The following B3GLCT variants were observed in gnomAD, a reference collection of about 807,000 sequenced individuals.
The protein encoded by B3GLCT is beta 3-glucosyltransferase, also known as beta-1,3-glucosyltransferase.
B3GLCT carries 65 observed loss-of-function variants against 63.4 expected under a neutral mutation model. The observed-to-expected ratio is 1.03, with a 90% confidence interval of 0.84 to 1.26. The LOEUF (loss-of-function observed/expected upper bound fraction) is 1.26. Among genes scored for constraint, B3GLCT ranks in the 50% most tolerant of loss-of-function variants. The probability of loss-of-function intolerance (pLI) is 0.00; values close to 1 mark genes in which losing one functional copy is unlikely to be tolerated. For synonymous variants in B3GLCT, 233 were observed against 219.2 expected, an observed-to-expected ratio of 1.06 and a Z score of -0.55; for missense variants, 577 against 604.8, an observed-to-expected ratio of 0.95 and a Z score of 0.48.
chr13:31,239,492 T>C (rs914913139), intron 4 of B3GLCT, among the ~76,000 whole-genome samples: 1 of 152,216 alleles, frequency 6.6e-6, no homozygotes, highest in Non-Finnish European at 1.5e-5. Flanking sequence ...GTGCACTGCA[T>C]CTGTGTCAAT....
At chr13:31,261,731 A>G (rs982819507) in intron 7 of B3GLCT, among the ~76,000 whole-genome samples, 3 of 152,178 alleles carry the variant, frequency 2.0e-5, no homozygotes, top group Admixed American at 6.5e-5. Flanking sequence ...TGTGGCTTTT[A>G]TATCTTCAGA....
At chr13:31,239,057 G>T (rs1870798535) in intron 4 of B3GLCT, among the ~76,000 whole-genome samples, 1 of 152,216 alleles carries the variant, frequency 6.6e-6, no homozygotes, top group African/African-American at 2.4e-5. Flanking sequence ...AGTTCTGGAA[G>T]ATGAAGACAT....
intron 7 of B3GLCT, among the ~76,000 whole-genome samples, chr13:31,267,241 A>G (rs1872367954): frequency 6.6e-6 from 1 of 152,266 alleles, no homozygotes; most frequent in African/African-American, 2.4e-5. Flanking sequence ...AAACATTGCC[A>G]TCTAACAGTG....
chr13:31,291,706 G>C (rs1461159264), intron 12 of B3GLCT, among the ~76,000 whole-genome samples: 2 of 152,184 alleles, frequency 1.3e-5, no homozygotes, highest in Non-Finnish European at 2.9e-5. Context: ...TCAGCTTAAG[G>C]AGATTTTGGG....
chr13:31,324,880 G>C (rs1308447469), intron 14 of B3GLCT, among the ~76,000 whole-genome samples: 1 of 152,016 alleles, frequency 6.6e-6, no homozygotes, highest in African/African-American at 2.4e-5. Flanking sequence ...AATTTTTAAA[G>C]TTTTTTATAG....
chr13:31,217,384 A>G (rs892546603), intron 2 of B3GLCT, among the ~76,000 whole-genome samples: 1 of 152,056 alleles, frequency 6.6e-6, no homozygotes. Flanking sequence ...ATTTTCTCCC[A>G]TTCTGTAGGT....
chr13:31,238,701 G>T (rs1870779173), intron 4 of B3GLCT, among the ~76,000 whole-genome samples: 1 of 152,208 alleles, frequency 6.6e-6, no homozygotes. Context: ...CACCTACTCA[G>T]GAGGCTGAGG....
chr13:31,282,422 G>A (rs1034794598), intron 10 of B3GLCT, among the ~76,000 whole-genome samples: 2 of 151,978 alleles, frequency 1.3e-5, no homozygotes, highest in East Asian at 1.9e-4. Flanking sequence ...GGCGGATCAC[G>A]AGGTCAGGAA....
At chr13:31,245,294 G>T (rs1041417719) in intron 4 of B3GLCT, among the ~76,000 whole-genome samples, 3 of 151,860 alleles carry the variant, frequency 2.0e-5, no homozygotes, top group African/African-American at 7.2e-5. Context: ...GTTAATAGCT[G>T]TTGATATTAC....
intron 12 of B3GLCT, among the ~76,000 whole-genome samples, chr13:31,301,865 A>G (rs1874237556): frequency 6.6e-6 from 1 of 152,098 alleles, no homozygotes; most frequent in South Asian, 2.1e-4. Context: ...TTGTATTAAG[A>G]CTTTTGTTTT....
chr13:31,325,325 G>A (rs142924009), intron 14 of B3GLCT, among the ~76,000 whole-genome samples: 10 of 152,266 alleles, frequency 6.6e-5, no homozygotes, highest in African/African-American at 2.4e-4. Context: ...GAAAGAAAGC[G>A]TTATTCTCTG....
chr13:31,285,893 A>G (rs533470751), intron 11 of B3GLCT, among the ~76,000 whole-genome samples: 1 of 152,244 alleles, frequency 6.6e-6, no homozygotes, highest in Admixed American at 6.5e-5. Context: ...TATTGTCTAT[A>G]TTTATATTTG....
At chr13:31,293,632 C>G (rs1002084096) in intron 12 of B3GLCT, among the ~76,000 whole-genome samples, 7 of 151,844 alleles carry the variant, frequency 4.6e-5, no homozygotes, top group African/African-American at 1.7e-4. Context: ...AACCCTTGCT[C>G]TCTTTTTTTG....
intron 13 of B3GLCT, among the ~76,000 whole-genome samples, chr13:31,321,203 T>G (rs1253768690): frequency 6.6e-6 from 1 of 152,260 alleles, no homozygotes. Flanking sequence ...ACCAATGTGA[T>G]GTTCTGTCTT....
intron 12 of B3GLCT, among the ~76,000 whole-genome samples, chr13:31,293,691 A>G (rs1013658727): frequency 2.6e-5 from 4 of 152,010 alleles, no homozygotes; most frequent in Admixed American, 1.3e-4. Context: ...TTTTGAGCCT[A>G]TGGGTGTCTT....
chr13:31,245,835 G>C (rs915039447), intron 4 of B3GLCT, among the ~76,000 whole-genome samples: 1 of 152,146 alleles, frequency 6.6e-6, no homozygotes, highest in Non-Finnish European at 1.5e-5. Context: ...AGAAGTAACA[G>C]TAGGAAGGCC....
At chr13:31,325,693 A>G (rs915092918) in intron 14 of B3GLCT, among the ~76,000 whole-genome samples, 3 of 152,220 alleles carry the variant, frequency 2.0e-5, no homozygotes, top group African/African-American at 7.2e-5. Flanking sequence ...GTATCTTCCA[A>G]TTCTTAAGCC....
intron 13 of B3GLCT, among the ~76,000 whole-genome samples, chr13:31,318,639 T>TACTAG (rs965351105): frequency 6.6e-6 from 1 of 152,232 alleles, no homozygotes. Context: ...AGGGAGGCCT[T>TACTAG]TGAAAAGACA....
intron 1 of B3GLCT, among the ~76,000 whole-genome samples, chr13:31,200,705 C>T (rs1868613839): frequency 6.6e-6 from 1 of 152,010 alleles, no homozygotes; most frequent in Admixed American, 6.5e-5. Context: ...CCGGTGTCCG[C>T]GCGCCCCTCC....
Sources: gnomAD v4.1 joint callset for allele counts (sites outside exome capture counted in the v4.1 genomes callset) on GRCh38, gnomAD v4.1.1 for gene constraint, MANE v1.5 for transcripts, NCBI Gene and HGNC (gene_info 2026-07-23, HGNC 2026-07-21) for gene names.